The following PCSK2 variants were observed in gnomAD, a reference collection of about 807,000 sequenced individuals.
PCSK2 encodes the protein neuroendocrine convertase 2.
A neutral mutation model predicts 69.7 loss-of-function variants in PCSK2; 14 were observed. The observed-to-expected ratio is 0.20, with a 90% confidence interval of 0.13 to 0.31. The LOEUF is 0.31. Ranked by LOEUF, PCSK2 falls within the 10% of genes least tolerant of loss-of-function variation. The pLI, the probability that PCSK2 is intolerant of heterozygous loss-of-function variation, is 1.00. For missense variants in PCSK2, 544 were observed against 842.5 expected (o/e 0.65, Z 4.39); for synonymous variants, 307 against 320.7 (o/e 0.96, Z 0.46).
At chr20:17,302,136 C>T (rs1989104215) in intron 2 of PCSK2, among the ~76,000 whole-genome samples, 1 of 151,984 alleles carries the variant, frequency 6.6e-6, no homozygotes, top group African/African-American at 2.4e-5. Flanking sequence ...AACCCCAGGC[C>T]TTGAGAAAAC....
chr20:17,279,512 T>C (rs1988223350), intron 2 of PCSK2, among the ~76,000 whole-genome samples: 1 of 152,190 alleles, frequency 6.6e-6, no homozygotes, highest in African/African-American at 2.4e-5. Context: ...ATTGCAAAGC[T>C]TTAAAATGTG....
chr20:17,344,693 T>G (rs1303815895), intron 2 of PCSK2, among the ~76,000 whole-genome samples: 1 of 152,058 alleles, frequency 6.6e-6, no homozygotes, highest in Non-Finnish European at 1.5e-5. Flanking sequence ...ACCTTTGTTA[T>G]AGCAAATAAC....
At chr20:17,435,276 A>G (rs1379276126) in intron 7 of PCSK2, among the ~76,000 whole-genome samples, 2 of 152,252 alleles carry the variant, frequency 1.3e-5, no homozygotes, top group Non-Finnish European at 1.5e-5. Flanking sequence ...ACCAAGCATC[A>G]TGTTGATCCT....
At chr20:17,236,870 T>C (rs1194862727) in intron 1 of PCSK2, among the ~76,000 whole-genome samples, 1 of 152,132 alleles carries the variant, frequency 6.6e-6, no homozygotes, top group Non-Finnish European at 1.5e-5. Context: ...TTCAGAGGAT[T>C]AAGAGGCAAG....
intron 5 of PCSK2, among the ~76,000 whole-genome samples, chr20:17,390,010 C>T (rs1412852106): frequency 6.6e-6 from 1 of 152,164 alleles, no homozygotes; most frequent in Non-Finnish European, 1.5e-5. Flanking sequence ...CAATGCCCGT[C>T]AACAAGTGAA....
intron 2 of PCSK2, among the ~76,000 whole-genome samples, chr20:17,300,359 A>G (rs956612834): frequency 2.6e-5 from 4 of 152,250 alleles, no homozygotes; most frequent in African/African-American, 4.8e-5. Flanking sequence ...CATCTCCCCA[A>G]GGCCTGGCCG....
chr20:17,267,188 G>A (rs1451574349), intron 2 of PCSK2, among the ~76,000 whole-genome samples: 1 of 152,122 alleles, frequency 6.6e-6, no homozygotes, highest in Non-Finnish European at 1.5e-5. Context: ...GTAGGCACAT[G>A]AGCTGGACCA....
chr20:17,398,732 G>A (rs917999364), intron 5 of PCSK2, among the ~76,000 whole-genome samples: 25 of 151,722 alleles, frequency 1.6e-4, no homozygotes, highest in African/African-American at 6.0e-4. Context: ...CACCAAAAGA[G>A]GTTCTGTTGG....
intron 2 of PCSK2, among the ~76,000 whole-genome samples, chr20:17,290,091 A>C (rs1396940851): frequency 6.6e-6 from 1 of 152,136 alleles, no homozygotes; most frequent in Non-Finnish European, 1.5e-5. Context: ...ATCTTATTTT[A>C]TTTTAATTTG....
intron 7 of PCSK2, among the ~76,000 whole-genome samples, chr20:17,435,381 T>A (rs1380548210): frequency 6.6e-6 from 1 of 152,096 alleles, no homozygotes; most frequent in Non-Finnish European, 1.5e-5. Flanking sequence ...GTAGTTGCGA[T>A]AGAAGGTTAA....
chr20:17,358,219 A>G (rs2030273767), intron 2 of PCSK2, 108 bp from the exon 3 acceptor site: 2 of 676,064 alleles, frequency 3.0e-6, no homozygotes, highest in Non-Finnish European at 5.3e-6. Context: ...TTTGCCAAAG[A>G]AAAAAATACA....
intron 6 of PCSK2, among the ~76,000 whole-genome samples, chr20:17,414,510 C>A (rs1426873096): frequency 6.6e-6 from 1 of 152,126 alleles, no homozygotes; most frequent in Non-Finnish European, 1.5e-5. Context: ...CTGAATAGAC[C>A]AATAACAGGC....
chr20:17,349,080 C>T (rs737141), intron 2 of PCSK2, among the ~76,000 whole-genome samples: 25,393 of 152,100 alleles, frequency 0.17, 2,444 homozygotes, highest in African/African-American at 0.26. Flanking sequence ...CACTGCCCAG[C>T]GCAACAGTCA....
At chr20:17,371,572 AT>A (rs1435036499) in intron 5 of PCSK2, among the ~76,000 whole-genome samples, 1 of 152,200 alleles carries the variant, frequency 6.6e-6, no homozygotes, top group Non-Finnish European at 1.5e-5. Context: ...CTGTCAAAAA[AT>A]ATGAAAAAGC....
chr20:17,292,477 A>G (rs1988731018), intron 2 of PCSK2, among the ~76,000 whole-genome samples: 3 of 152,208 alleles, frequency 2.0e-5, no homozygotes, highest in African/African-American at 7.2e-5. Context: ...TGATACAGGA[A>G]TTTCTTTTGT....
intron 6 of PCSK2, among the ~76,000 whole-genome samples, chr20:17,413,404 T>G (rs1051296476): frequency 6.6e-6 from 1 of 151,962 alleles, no homozygotes; most frequent in Non-Finnish European, 1.5e-5. Flanking sequence ...TAAAACAGAC[T>G]TTAAACCAAC....
intron 1 of PCSK2, among the ~76,000 whole-genome samples, chr20:17,247,822 T>C (rs746166994): frequency 6.6e-6 from 1 of 152,234 alleles, no homozygotes; most frequent in Non-Finnish European, 1.5e-5. Flanking sequence ...CACTTCTTTT[T>C]ATCTGTTCAC....
At chr20:17,353,463 CACA>C (rs1568614753) in intron 2 of PCSK2, among the ~76,000 whole-genome samples, 92 of 126,476 alleles carry the variant, frequency 7.3e-4, no homozygotes, top group African/African-American at 2.4e-3. Context: ...GACTCCATCA[CACA>C]AAAAAAAAAA....
chr20:17,294,098 C>CTTT (rs34805695), intron 2 of PCSK2, among the ~76,000 whole-genome samples: 1,938 of 74,032 alleles, frequency 0.026, 24 homozygotes, highest in Non-Finnish European at 0.032. Context: ...AAAGTATTTT[C>CTTT]TTTTTTTTTT....
Sources: allele counts gnomAD v4.1 joint callset (sites outside exome capture counted in the v4.1 genomes callset), GRCh38; gene constraint gnomAD v4.1.1; transcripts MANE v1.5; gene names NCBI Gene and HGNC (gene_info 2026-07-23, HGNC 2026-07-21).